MMS22L: variants seen among roughly 807,000 people sequenced by gnomAD.
MMS22L encodes protein MMS22-like.
In MMS22L, 74 loss-of-function variants were observed where a neutral mutation model predicts 159.1. The observed-to-expected ratio is 0.47, with a 90% CI of 0.39 to 0.56. MMS22L has a LOEUF of 0.56. Among genes scored for constraint, MMS22L ranks in the 20% least tolerant of loss-of-function variants. The pLI, the probability that MMS22L is intolerant of heterozygous loss-of-function variation, is 0.00. For missense variants in MMS22L, 1,351 were observed against 1,422.1 expected, an observed-to-expected ratio of 0.95 and a Z score of 0.80; for synonymous variants, 517 against 506.9, an observed-to-expected ratio of 1.02 and a Z score of -0.27.
At chr6:97,202,844 T>C (rs1807323762) in intron 14 of MMS22L, among the ~76,000 whole-genome samples, 1 of 152,168 alleles carries the variant, frequency 6.6e-6, no homozygotes, top group Admixed American at 6.5e-5. Flanking sequence ...TATAATACTC[T>C]TAATCACCAA....
intron 10 of MMS22L, among the ~76,000 whole-genome samples, chr6:97,247,667 A>G (rs7765975): frequency 0.65 from 99,180 of 151,918 alleles, 33,722 homozygotes; most frequent in Non-Finnish European, 0.76. Flanking sequence ...GTAGTGAGCC[A>G]AGATCATGCC....
intron 14 of MMS22L, among the ~76,000 whole-genome samples, chr6:97,223,790 G>A (rs1453300868): frequency 6.6e-6 from 1 of 152,004 alleles, no homozygotes; most frequent in African/African-American, 2.4e-5. Flanking sequence ...AAACTGATGG[G>A]ATAAAATGAA....
chr6:97,149,630 G>A (rs1356905297), intron 24 of MMS22L, among the ~76,000 whole-genome samples: 1 of 152,118 alleles, frequency 6.6e-6, no homozygotes, highest in Non-Finnish European at 1.5e-5. Context: ...ACTTTGAAAG[G>A]AAAAACATGC....
At chr6:97,180,016 A>C (rs1245736027) in intron 16 of MMS22L, among the ~76,000 whole-genome samples, 1 of 152,204 alleles carries the variant, frequency 6.6e-6, no homozygotes, top group Non-Finnish European at 1.5e-5. Flanking sequence ...ACTAAAAATT[A>C]CCTCACAAAG....
At chr6:97,268,982 T>G (rs1815449118) in intron 7 of MMS22L, among the ~76,000 whole-genome samples, 1 of 151,942 alleles carries the variant, frequency 6.6e-6, no homozygotes, top group Non-Finnish European at 1.5e-5. Context: ...ACAACCTAAG[T>G]GACAGGTTGC....
chr6:97,234,770 A>AT (rs1210184959), intron 11 of MMS22L, among the ~76,000 whole-genome samples: 5 of 152,230 alleles, frequency 3.3e-5, no homozygotes, highest in African/African-American at 1.2e-4. Context: ...TTGGTAAAGG[A>AT]TAAGCATCAT....
At chr6:97,197,905 C>A (rs1806711314) in intron 14 of MMS22L, among the ~76,000 whole-genome samples, 5 of 152,082 alleles carry the variant, frequency 3.3e-5, no homozygotes, top group Admixed American at 3.3e-4. Context: ...TCCTCCCAAT[C>A]CTCCCCCACC....
intron 22 of MMS22L, among the ~76,000 whole-genome samples, chr6:97,157,713 C>T (rs369227567): frequency 3.9e-5 from 6 of 152,036 alleles, no homozygotes; most frequent in Admixed American, 2.6e-4. Flanking sequence ...CTGCTGGCTT[C>T]GGTTTGCCAG....
At chr6:97,153,530 C>A (rs1373575529) in intron 22 of MMS22L, among the ~76,000 whole-genome samples, 1 of 151,890 alleles carries the variant, frequency 6.6e-6, no homozygotes, top group African/African-American at 2.4e-5. Flanking sequence ...TGCCACCACG[C>A]CCGGCTAATT....
chr6:97,148,504 T>C (rs1801024746), intron 24 of MMS22L, among the ~76,000 whole-genome samples: 1 of 152,054 alleles, frequency 6.6e-6, no homozygotes. Context: ...GTGATGTTGA[T>C]CATCCTGACC....
rs151313175 is a variant in MMS22L at position 97,267,997 on chromosome 6, C to T, written c.703G>A (p.Val235Ile). ...TTCATAAACTGATGACCATATACAA[C>T]TTGTTCTGAAAATGTAATAAAAATA... ...LYMLGEKLKQ[V>I]VYGHQFMNLA... The change falls in exon 8 of 25, where the codon GTT (valine) becomes ATT (isoleucine). Residue 235 changes from valine to isoleucine, a missense_variant. Transcript: ENST00000683635. 64 of 1,550,954 alleles carry T rather than the reference C, an allele frequency of 4.1e-5. No individual in the cohort carries two copies. In the African/African-American group the frequency reaches 8.3e-4, roughly 20 times the overall value.
At chr6:97,157,840 A>C (rs1464184657) in intron 22 of MMS22L, among the ~76,000 whole-genome samples, 1 of 152,126 alleles carries the variant, frequency 6.6e-6, no homozygotes, top group East Asian at 1.9e-4. Flanking sequence ...TCATAAAATG[A>C]ATTAGGGAGG....
rs771911451 is a variant in MMS22L at position 97,233,918 on chromosome 6, G to A, written c.1245C>T (p.Phe415=). ...TAACAATTGCAATGTTTGGCTCCCA[G>A]AAATCACAAAGTGTCAAACAACAGT... is the stretch of plus-strand genomic sequence containing the variant. ...YLHCCLTLCD[F]WEPNIAIVTI... Residue 415 remains phenylalanine (F), a synonymous_variant, in exon 12 of 25, where the codon TTC becomes TTT. Coordinates refer to ENST00000683635, the MANE Select transcript of MMS22L (RefSeq NM_001350599.2). 2 of 1,611,782 alleles carry A rather than the reference G, an allele frequency of 1.2e-6. No homozygotes were observed. Among genetic ancestry groups the A allele is most frequent in the Admixed American group, 3.3e-5 (2 of 59,742 alleles).
At chr6:97,200,059 T>C (rs1806975938) in intron 14 of MMS22L, among the ~76,000 whole-genome samples, 1 of 152,102 alleles carries the variant, frequency 6.6e-6, no homozygotes, top group African/African-American at 2.4e-5. Flanking sequence ...TCTGTGCCTC[T>C]GTTGTAGTCA....
At chr6:97,150,714 C>T (rs570747644) in intron 23 of MMS22L, among the ~76,000 whole-genome samples, 3 of 152,074 alleles carry the variant, frequency 2.0e-5, no homozygotes, top group Non-Finnish European at 1.5e-5. Flanking sequence ...ACTATAAACA[C>T]TTGACAGGCA....
intron 14 of MMS22L, among the ~76,000 whole-genome samples, chr6:97,215,842 C>G (rs1018134995): frequency 3.3e-5 from 5 of 152,014 alleles, no homozygotes; most frequent in Admixed American, 1.3e-4. Context: ...ATGAGCTCAC[C>G]AGGGGGAAAT....
At chr6:97,150,125 T>A in intron 23 of MMS22L, 105 bp from the exon 24 acceptor site, 1 of 817,924 alleles carries the variant, frequency 1.2e-6, no homozygotes, top group Non-Finnish European at 1.8e-6. Flanking sequence ...GATCATTTCA[T>A]AAAAGTTTAC....
intron 11 of MMS22L, among the ~76,000 whole-genome samples, chr6:97,240,377 T>A (rs1393501864): frequency 6.6e-6 from 1 of 152,188 alleles, no homozygotes; most frequent in African/African-American, 2.4e-5. Context: ...CTTAGATTAG[T>A]CATATTATTC....
At chr6:97,183,754 T>A (rs1256966371) in intron 15 of MMS22L, among the ~76,000 whole-genome samples, 1 of 152,172 alleles carries the variant, frequency 6.6e-6, no homozygotes, top group Non-Finnish European at 1.5e-5. Context: ...AGAGATGAAC[T>A]GAGGCCAAGT....
Sources: allele counts gnomAD v4.1 joint callset (sites outside exome capture counted in the v4.1 genomes callset), GRCh38; gene constraint gnomAD v4.1.1; transcripts MANE v1.5; gene names NCBI Gene and HGNC (gene_info 2026-07-23, HGNC 2026-07-21).